The following EPB41L4A variants were observed in gnomAD, a reference collection of about 807,000 sequenced individuals.
EPB41L4A encodes band 4.1-like protein 4A.
EPB41L4A carries 100 observed loss-of-function variants against 108.6 expected under a neutral mutation model. The observed-to-expected ratio is 0.92, with a 90% confidence interval of 0.78 to 1.09. The LOEUF (loss-of-function observed/expected upper bound fraction) is 1.09, where lower values mean the gene tolerates loss of function less well. EPB41L4A is among the 50% of genes least tolerant of loss of function. The probability of loss-of-function intolerance (pLI) is 0.00; values close to 1 mark genes in which losing one functional copy is unlikely to be tolerated. For missense variants in EPB41L4A, 1,030 were observed against 842.7 expected, an observed-to-expected ratio of 1.22 and a Z score of -2.75; for synonymous variants, 319 against 289.0, an observed-to-expected ratio of 1.10 and a Z score of -1.05.
At position 112,259,387 on chromosome 5, in the gene EPB41L4A, T is replaced by G. The variant is rs755860002; in HGVS notation, c.732-95A>C. 6.9e-4 allele frequency: 678 copies of G among 975,872 alleles called. 1 individual carries two copies. The highest frequency in any genetic ancestry group is 1.0e-3 in the Non-Finnish European group (621 of 605,086). 60.5% of individuals were successfully genotyped at this position (975,872 alleles called of 1,614,324 possible). On this transcript the variant is annotated intron_variant, in intron 8 of 22. Transcript: ENST00000261486. ...CCAGTGGAAAAAGACTGGTGAATACTGGCTCCTTTATATACTGCTCCATAC... is the reference window on the plus strand; with the variant it reads ...CCAGTGGAAAAAGACTGGTGAATACGGGCTCCTTTATATACTGCTCCATAC...
intron 1 of EPB41L4A, among the ~76,000 whole-genome samples, chr5:112,332,366 A>G (rs1284765787): frequency 6.6e-6 from 1 of 152,238 alleles, no homozygotes; most frequent in Non-Finnish European, 1.5e-5. Flanking sequence ...GGGACCACCC[A>G]GGACCTTGAC....
intron 1 of EPB41L4A, among the ~76,000 whole-genome samples, chr5:112,418,624 CCT>C (rs1348701432): frequency 6.6e-6 from 1 of 152,164 alleles, no homozygotes; most frequent in Non-Finnish European, 1.5e-5. Flanking sequence ...CCATTCTGCC[CCT>C]CTTTGAGAGC....
chr5:112,152,496 AG>A (rs1311032574), intron 12 of EPB41L4A, among the ~76,000 whole-genome samples: 1 of 152,190 alleles, frequency 6.6e-6, no homozygotes, highest in Non-Finnish European at 1.5e-5. Context: ...CCTTATAAAA[AG>A]GCTTGAGGGA....
chr5:112,176,721 T>C (rs548537143), intron 18 of EPB41L4A, among the ~76,000 whole-genome samples: 2 of 150,454 alleles, frequency 1.3e-5, no homozygotes, highest in African/African-American at 4.9e-5. Context: ...TTTCTCAATC[T>C]GCTTTTTACC....
intron 2 of EPB41L4A, among the ~76,000 whole-genome samples, chr5:112,302,009 G>C (rs925450730): frequency 1.3e-5 from 2 of 151,970 alleles, no homozygotes; most frequent in Non-Finnish European, 2.9e-5. Flanking sequence ...TTTTAAAAAA[G>C]AGCTTGTTCA....
intron 9 of EPB41L4A, among the ~76,000 whole-genome samples, chr5:112,252,101 C>T (rs761333495): frequency 6.6e-6 from 1 of 151,986 alleles, no homozygotes; most frequent in Non-Finnish European, 1.5e-5. Flanking sequence ...AAAGAAAGGA[C>T]ATACAAATAT....
At chr5:112,192,950 T>C (rs919575889) in intron 17 of EPB41L4A, among the ~76,000 whole-genome samples, 7 of 152,206 alleles carry the variant, frequency 4.6e-5, no homozygotes, top group Non-Finnish European at 1.0e-4. Context: ...TTGTTTTGTG[T>C]TGTTTGCGCA....
chr5:112,239,013 C>T (rs766964406), intron 11 of EPB41L4A, among the ~76,000 whole-genome samples: 33 of 152,152 alleles, frequency 2.2e-4, no homozygotes, highest in Non-Finnish European at 3.7e-4. Flanking sequence ...GCAGCTAGAG[C>T]GCCAGGGGAT....
intron 17 of EPB41L4A, among the ~76,000 whole-genome samples, chr5:112,191,202 T>A (rs888547684): frequency 7.0e-6 from 1 of 142,654 alleles, no homozygotes; most frequent in Non-Finnish European, 1.5e-5. Context: ...AGGGAAAACA[T>A]AAACGATGTC....
intron 17 of EPB41L4A, among the ~76,000 whole-genome samples, chr5:112,184,721 T>C (rs914380152): frequency 1.3e-5 from 2 of 152,060 alleles, no homozygotes; most frequent in Non-Finnish European, 2.9e-5. Flanking sequence ...GGAATGACAG[T>C]TGGATGCTGG....
chr5:112,267,111 T>C (rs930392365), intron 4 of EPB41L4A, among the ~76,000 whole-genome samples: 5 of 152,206 alleles, frequency 3.3e-5, no homozygotes, highest in Non-Finnish European at 5.9e-5. Context: ...TTTTATTTTT[T>C]TTCTTATTCA....
At chr5:112,252,299 CT>C (rs780107475) in intron 9 of EPB41L4A, among the ~76,000 whole-genome samples, 9 of 152,102 alleles carry the variant, frequency 5.9e-5, no homozygotes, top group Non-Finnish European at 1.2e-4. Context: ...TTCCCTAGCT[CT>C]GTCAACTGAA....
chr5:112,344,354 G>C (rs1387874265), intron 1 of EPB41L4A, among the ~76,000 whole-genome samples: 1 of 152,104 alleles, frequency 6.6e-6, no homozygotes. Context: ...ACACTTACTA[G>C]AACATTAATT....
chr5:112,356,250 A>G (rs1329481973), intron 1 of EPB41L4A, among the ~76,000 whole-genome samples: 1 of 152,158 alleles, frequency 6.6e-6, no homozygotes, highest in African/African-American at 2.4e-5. Flanking sequence ...TCCCCTCCCT[A>G]CCACAACAGA....
chr5:112,181,455 A>T (rs1194960005), intron 18 of EPB41L4A, among the ~76,000 whole-genome samples: 2 of 152,054 alleles, frequency 1.3e-5, no homozygotes, highest in African/African-American at 4.8e-5. Flanking sequence ...TGTCTCAAAA[A>T]AAAAAAATAA....
chr5:112,259,425 G>A, intron 8 of EPB41L4A, 133 bp from the exon 9 acceptor site: 1 of 688,228 alleles, frequency 1.5e-6, no homozygotes, highest in Admixed American at 2.3e-5. Flanking sequence ...AGTACATACA[G>A]CGACAGAGAG....
At chr5:112,256,906 A>C (rs1751139338) in intron 9 of EPB41L4A, 1 of 152,184 alleles carries the variant, frequency 6.6e-6, no homozygotes, top group Non-Finnish European at 1.5e-5. Flanking sequence ...CGATCTTTAT[A>C]CTAAAAGTTT....
intron 12 of EPB41L4A, among the ~76,000 whole-genome samples, chr5:112,210,773 A>G (rs1003320363): frequency 6.6e-6 from 1 of 151,982 alleles, no homozygotes; most frequent in East Asian, 1.9e-4. Flanking sequence ...GTGTGCATGT[A>G]CCTCACTCAA....
At chr5:112,330,953 C>A (rs1040208865) in intron 1 of EPB41L4A, among the ~76,000 whole-genome samples, 11 of 152,084 alleles carry the variant, frequency 7.2e-5, no homozygotes, top group African/African-American at 9.7e-5. Context: ...CATTTCCTGA[C>A]CTTACGTATC....
Sources: allele counts gnomAD v4.1 joint callset (sites outside exome capture counted in the v4.1 genomes callset), GRCh38; gene constraint gnomAD v4.1.1; transcripts MANE v1.5; gene names NCBI Gene and HGNC (gene_info 2026-07-23, HGNC 2026-07-21).